The following IL1RAPL1 variants were observed in gnomAD, a reference collection of about 807,000 sequenced individuals.
IL1RAPL1 encodes the protein interleukin 1 receptor accessory protein like 1.
IL1RAPL1 carries 3 observed loss-of-function variants against 48.4 expected under a neutral mutation model. That is an observed-to-expected ratio of 0.06 (90% CI 0.03 to 0.16). The LOEUF (loss-of-function observed/expected upper bound fraction) is 0.16, where lower values mean the gene tolerates loss of function less well. IL1RAPL1 is among the 10% of genes least tolerant of loss of function. The pLI, the probability that IL1RAPL1 is intolerant of heterozygous loss-of-function variation, is 1.00. For synonymous variants in IL1RAPL1, 185 were observed against 187.7 expected (o/e 0.99, Z 0.12); for missense variants, 349 against 530.6 (o/e 0.66, Z 3.36).
intron 2 of IL1RAPL1, among the ~76,000 whole-genome samples, chrX:28,939,718 C>T (rs1035355662): frequency 3.6e-5 from 4 of 111,491 alleles, no homozygotes; most frequent in African/African-American, 1.3e-4. Context: ...GTAATCTTTT[C>T]TCTCATGTTT....
chrX:29,757,836 A>G (rs1435602957), intron 6 of IL1RAPL1, among the ~76,000 whole-genome samples: 1 of 112,121 alleles, frequency 8.9e-6, no homozygotes. Context: ...AGGGCTTCTA[A>G]AGAAATGTTT....
At chrX:29,070,074 G>A (rs1403428317) in intron 2 of IL1RAPL1, among the ~76,000 whole-genome samples, 1 of 111,585 alleles carries the variant, frequency 9.0e-6, no homozygotes, top group East Asian at 2.8e-4. Context: ...GCCTTATATG[G>A]GAATCTCTTA....
intron 3 of IL1RAPL1, among the ~76,000 whole-genome samples, chrX:29,394,134 T>C (rs1488068973): frequency 9.1e-6 from 1 of 110,000 alleles, no homozygotes; most frequent in Admixed American, 1.0e-4. Flanking sequence ...CACTGTTACA[T>C]TGATTCAGTG....
At chrX:29,080,336 G>A (rs1404818033) in intron 2 of IL1RAPL1, among the ~76,000 whole-genome samples, 1 of 109,968 alleles carries the variant, frequency 9.1e-6, no homozygotes, top group East Asian at 2.9e-4. Flanking sequence ...CCGTATTTGT[G>A]CCACTGCACT....
chrX:29,046,405 G>A (rs1251039801), intron 2 of IL1RAPL1, among the ~76,000 whole-genome samples: 1 of 111,030 alleles, frequency 9.0e-6, no homozygotes, highest in Non-Finnish European at 1.9e-5. Flanking sequence ...GATATGAACA[G>A]GGATAGAGGG....
In IL1RAPL1 at chrX:28,695,944, G is replaced by A. The variant is rs781362043; in HGVS notation, c.-24-93376G>A. ...TCTGTGGCTCTCAATAAATGATGGCGTTGAAAAATAAAATGTAGGTAATTT... is the reference window on the plus strand; with the variant it reads ...TCTGTGGCTCTCAATAAATGATGGCATTGAAAAATAAAATGTAGGTAATTT... On this transcript the variant is annotated intron_variant, in intron 1 of 10. Transcript: ENST00000378993. Among the ~76,000 whole-genome samples the A allele has an allele frequency of 9.0e-5, 10 of 111,692 alleles. No individual in the cohort carries two copies. In the South Asian group the frequency reaches 1.1e-3, roughly 12 times the overall value.
At chrX:29,673,768 T>C (rs1052997398) in intron 6 of IL1RAPL1, among the ~76,000 whole-genome samples, 2 of 112,058 alleles carry the variant, frequency 1.8e-5, no homozygotes, top group African/African-American at 3.2e-5. Context: ...CATTCAATTC[T>C]ACTCAATCCA....
chrX:28,758,374 T>C (rs909027353), intron 1 of IL1RAPL1, among the ~76,000 whole-genome samples: 1 of 111,821 alleles, frequency 8.9e-6, no homozygotes, highest in Non-Finnish European at 1.9e-5. Context: ...AAGAAAATAT[T>C]TTATTTGAAG....
chrX:29,712,106 T>G (rs1338880960), intron 6 of IL1RAPL1, among the ~76,000 whole-genome samples: 1 of 109,773 alleles, frequency 9.1e-6, no homozygotes, highest in Non-Finnish European at 1.9e-5. Flanking sequence ...TTTTTTTTTT[T>G]GTGGTTGTAA....
At chrX:28,661,995 G>A (rs998493548) in intron 1 of IL1RAPL1, among the ~76,000 whole-genome samples, 1 of 111,628 alleles carries the variant, frequency 9.0e-6, no homozygotes, top group African/African-American at 3.3e-5. Context: ...TCTCCAGCTG[G>A]TAAGGCTGGA....
chrX:29,953,682 C>A (rs911323817), intron 9 of IL1RAPL1, among the ~76,000 whole-genome samples: 3 of 111,577 alleles, frequency 2.7e-5, no homozygotes, highest in Non-Finnish European at 5.6e-5. Flanking sequence ...TATTCTCCAT[C>A]CCAATATGCA....
In IL1RAPL1 at chrX:29,547,834, T is replaced by A. The variant is rs1300778255; in HGVS notation, c.704-120596T>A. ...ATCAATAATCTGTGTCGAGAACAAG[T>A]TTTTGTTAATTCTAGAAAAAAGATA... is the stretch of plus-strand genomic sequence containing the variant. On this transcript the variant is annotated intron_variant, in intron 5 of 10. Transcript: ENST00000378993. 2.7e-5 allele frequency among the ~76,000 whole-genome samples: 3 copies of A among 112,236 alleles called. No homozygotes were observed. In the East Asian group the frequency reaches 8.4e-4, roughly 31 times the overall value.
chrX:29,628,239 AG>A (rs1924669691), intron 5 of IL1RAPL1, among the ~76,000 whole-genome samples: 1 of 112,220 alleles, frequency 8.9e-6, no homozygotes, highest in African/African-American at 3.2e-5. Flanking sequence ...CCTCGAGCAA[AG>A]ATCAAAGTTT....
chrX:28,901,818 C>T (rs1395001052), intron 2 of IL1RAPL1, among the ~76,000 whole-genome samples: 1 of 111,952 alleles, frequency 8.9e-6, no homozygotes, highest in Non-Finnish European at 1.9e-5. Context: ...CTCAGCCTTT[C>T]TTGTATAGCT....
chrX:29,363,687 T>C (rs1377959997), intron 3 of IL1RAPL1, among the ~76,000 whole-genome samples: 1 of 111,222 alleles, frequency 9.0e-6, no homozygotes, highest in African/African-American at 3.3e-5. Flanking sequence ...CTTATAATCA[T>C]GGCAGAAGGT....
chrX:29,233,756 A>G (rs1172655514), intron 2 of IL1RAPL1, among the ~76,000 whole-genome samples: 4 of 112,273 alleles, frequency 3.6e-5, no homozygotes, highest in Non-Finnish European at 7.5e-5. Flanking sequence ...GCTGCAAATC[A>G]GTTGATTTTG....
intron 2 of IL1RAPL1, among the ~76,000 whole-genome samples, chrX:28,810,928 AC>A (rs1300802569): frequency 3.6e-5 from 4 of 110,428 alleles, no homozygotes; most frequent in East Asian, 5.7e-4. Context: ...CTTGAAAAAA[AC>A]AATCCAGTTT....
rs771151670 is a variant in IL1RAPL1 at position 29,731,703 on chromosome X, G to A, written c.778+63199G>A. Among the ~76,000 whole-genome samples, 12 of 112,281 alleles carry A rather than the reference G, an allele frequency of 1.1e-4. No individual in the cohort carries two copies. In the South Asian group the frequency reaches 1.5e-3, roughly 14 times the overall value. On this transcript the variant is annotated intron_variant, in intron 6 of 10. Coordinates refer to ENST00000378993, the MANE Select transcript of IL1RAPL1 (RefSeq NM_014271.4). ...TCACGTGCTCTGACAGAAAAACTAGGATTTCAACCCCCAGCTGGGAGCTGG... is the reference window on the plus strand; with the variant it reads ...TCACGTGCTCTGACAGAAAAACTAGAATTTCAACCCCCAGCTGGGAGCTGG...
chrX:29,279,575 A>G (rs188321033), intron 2 of IL1RAPL1, among the ~76,000 whole-genome samples: 5 of 112,148 alleles, frequency 4.5e-5, no homozygotes, highest in Admixed American at 9.5e-5. Context: ...TAATGGTAGT[A>G]AAACCTCCTA....
Sources: allele counts gnomAD v4.1 joint callset (sites outside exome capture counted in the v4.1 genomes callset), GRCh38; gene constraint gnomAD v4.1.1; transcripts MANE v1.5; gene names NCBI Gene and HGNC (gene_info 2026-07-23, HGNC 2026-07-21).